The following INPP5A variants were observed in gnomAD, a reference collection of about 807,000 sequenced individuals.
INPP5A encodes inositol polyphosphate-5-phosphatase A, also known as 43 kDa inositol polyphosphate 5-phophatase.
In INPP5A, 14 loss-of-function variants were observed where a neutral mutation model predicts 65.2. The observed-to-expected ratio is 0.21, with a 90% confidence interval of 0.14 to 0.34. The LOEUF is 0.34. Ranked by LOEUF, INPP5A falls within the 10% of genes least tolerant of loss-of-function variation. INPP5A has a pLI of 1.00. For missense variants in INPP5A, 431 were observed against 545.6 expected, an observed-to-expected ratio of 0.79 and a Z score of 2.09; for synonymous variants, 207 against 208.3, an observed-to-expected ratio of 0.99 and a Z score of 0.05.
chr10:132,614,415 C>T (rs189921607), intron 2 of INPP5A, among the ~76,000 whole-genome samples: 11 of 152,202 alleles, frequency 7.2e-5, no homozygotes, highest in East Asian at 1.9e-4. Context: ...TGCAGTGAGC[C>T]GAGATTGCAC....
At chr10:132,764,097 G>C (rs993911149) in intron 11 of INPP5A, among the ~76,000 whole-genome samples, 1 of 152,276 alleles carries the variant, frequency 6.6e-6, no homozygotes, top group Non-Finnish European at 1.5e-5. Flanking sequence ...TTAGGAGGCA[G>C]GAGGCAGTGG....
At position 132,753,410 on chromosome 10, in the gene INPP5A, C is replaced by T. The variant is rs1316332988; in HGVS notation, c.903+3565C>T. Among the ~76,000 whole-genome samples the T allele has an allele frequency of 3.3e-5, 5 of 152,180 alleles. No homozygotes were observed. Among genetic ancestry groups the T allele is most frequent in the African/African-American group, 1.2e-4 (5 of 41,424 alleles). ...CCTTCATCAACCGCCGGTCTTGTACCCGTCTGACAGAAATTTAATTCAGGC... is the reference window on the plus strand; with the variant it reads ...CCTTCATCAACCGCCGGTCTTGTACTCGTCTGACAGAAATTTAATTCAGGC... On this transcript the variant is annotated intron_variant, in intron 11 of 15. Coordinates refer to ENST00000368594, the MANE Select transcript of INPP5A (RefSeq NM_005539.5). The surrounding 1 kb of genome is among the most constrained non-coding windows in gnomAD (Gnocchi z 5.3).
At chr10:132,568,105 T>C (rs1590835019) in intron 1 of INPP5A, among the ~76,000 whole-genome samples, 1 of 149,858 alleles carries the variant, frequency 6.7e-6, no homozygotes, top group South Asian at 2.1e-4. Flanking sequence ...GCAGGAGAAT[T>C]GCTTGAACCT....
intron 4 of INPP5A, among the ~76,000 whole-genome samples, chr10:132,688,924 A>C (rs958324438): frequency 4.0e-5 from 6 of 151,496 alleles, no homozygotes; most frequent in Non-Finnish European, 8.8e-5. Flanking sequence ...GCATGAGTGC[A>C]TGTGTGCATG....
chr10:132,712,449 G>A (rs1423034896), intron 8 of INPP5A, among the ~76,000 whole-genome samples: 1 of 151,936 alleles, frequency 6.6e-6, no homozygotes, highest in African/African-American at 2.4e-5. Flanking sequence ...GTGGGTGTGT[G>A]TGGGTGCATG....
chr10:132,685,307 G>A (rs1386871595), intron 4 of INPP5A, among the ~76,000 whole-genome samples: 7 of 152,264 alleles, frequency 4.6e-5, no homozygotes, highest in African/African-American at 1.4e-4. Flanking sequence ...GGCGCACTGG[G>A]AGCTGGCACC....
chr10:132,584,699 A>C (rs1252713104), intron 1 of INPP5A, among the ~76,000 whole-genome samples: 7 of 152,106 alleles, frequency 4.6e-5, no homozygotes, highest in Non-Finnish European at 1.0e-4. Flanking sequence ...TTAAGAACTA[A>C]AAAAAATTGT....
intron 9 of INPP5A, among the ~76,000 whole-genome samples, chr10:132,733,152 G>A (rs916127695): frequency 2.0e-5 from 3 of 152,178 alleles, no homozygotes; most frequent in Non-Finnish European, 4.4e-5. Context: ...TTCTTGCAAG[G>A]ACATGAGTCC....
At chr10:132,742,726 C>T (rs1317739064) in intron 9 of INPP5A, among the ~76,000 whole-genome samples, 1 of 152,200 alleles carries the variant, frequency 6.6e-6, no homozygotes, top group East Asian at 1.9e-4. Flanking sequence ...GCTTCCTTCC[C>T]GGGGTCTGGA....
intron 2 of INPP5A, among the ~76,000 whole-genome samples, chr10:132,625,502 G>T (rs904732988): frequency 1.1e-4 from 17 of 152,176 alleles, no homozygotes; most frequent in Admixed American, 2.6e-4. Flanking sequence ...ACCAGCTGGG[G>T]AGTGGGTAGA....
chr10:132,626,591 TTC>T (rs2072186661), intron 2 of INPP5A, among the ~76,000 whole-genome samples: 1 of 152,256 alleles, frequency 6.6e-6, no homozygotes. Context: ...GTGCAATTCT[TTC>T]TCTCTGTTCT....
intron 9 of INPP5A, among the ~76,000 whole-genome samples, chr10:132,733,857 C>T (rs975244050): frequency 2.0e-5 from 3 of 152,246 alleles, no homozygotes; most frequent in Non-Finnish European, 4.4e-5. Context: ...CCCTGTGGCA[C>T]GTCCCTGTTG....
chr10:132,629,801 T>C (rs575972102), intron 2 of INPP5A, among the ~76,000 whole-genome samples: 1 of 149,086 alleles, frequency 6.7e-6, no homozygotes, highest in East Asian at 2.0e-4. Context: ...TGAGGGAGGG[T>C]CCATGAGTGG....
intron 2 of INPP5A, among the ~76,000 whole-genome samples, chr10:132,634,861 CT>C (rs2072322842): frequency 6.6e-6 from 1 of 152,246 alleles, no homozygotes; most frequent in African/African-American, 2.4e-5. Flanking sequence ...AGGCTCATGG[CT>C]GGTGTGGTGT....
chr10:132,745,025 G>A (rs1846344003), intron 9 of INPP5A, among the ~76,000 whole-genome samples: 1 of 152,180 alleles, frequency 6.6e-6, no homozygotes, highest in Non-Finnish European at 1.5e-5. Flanking sequence ...TGGGGACAGG[G>A]TGTGCCCGAG....
intron 9 of INPP5A, among the ~76,000 whole-genome samples, chr10:132,729,374 C>A (rs1846042054): frequency 6.6e-6 from 1 of 152,208 alleles, no homozygotes; most frequent in East Asian, 1.9e-4. Flanking sequence ...TTTTTGATCA[C>A]CAAGATCAGT....
intron 2 of INPP5A, among the ~76,000 whole-genome samples, chr10:132,614,678 T>C (rs947477020): frequency 2.0e-5 from 3 of 152,234 alleles, no homozygotes; most frequent in African/African-American, 7.2e-5. Context: ...TCAGAATGCT[T>C]ATGGCCCCTC....
rs1425216141 is a variant in INPP5A, at chr10:132,674,638, T to C, written c.307-15754T>C. Among the ~76,000 whole-genome samples, 5 of 152,186 alleles carry C rather than the reference T, an allele frequency of 3.3e-5. No homozygotes were observed. The highest frequency in any genetic ancestry group is 1.2e-4 in the African/African-American group (5 of 41,452). On this transcript the variant is annotated intron_variant, in intron 4 of 15. Transcript: ENST00000368594. This position sits in a 1 kb window ranked among gnomAD's most constrained non-coding sequence, Gnocchi z 4.4. ...ACTTACTTGTGCCTTCAGGACTTAATCAAGCCCAATCACATACATGCCACT... is the reference window on the plus strand; with the variant it reads ...ACTTACTTGTGCCTTCAGGACTTAACCAAGCCCAATCACATACATGCCACT...
rs1172559253 is a variant in INPP5A at position 132,726,406 on chromosome 10, G to A, written c.648-415G>A. Among the ~76,000 whole-genome samples the A allele has an allele frequency of 3.3e-5, 5 of 152,022 alleles. No individual in the cohort carries two copies. The East Asian group carries it at 5.8e-4, about 18-fold the overall frequency. On this transcript the variant is annotated intron_variant, in intron 8 of 15. Transcript: ENST00000368594. ...CCCTCCTCCCGTCTGTCTCCCTCCCGCCTTTCCTGAGCTCTGCGGTGGATT... is the reference window on the plus strand; with the variant it reads ...CCCTCCTCCCGTCTGTCTCCCTCCCACCTTTCCTGAGCTCTGCGGTGGATT...
Sources: allele counts gnomAD v4.1 joint callset (sites outside exome capture counted in the v4.1 genomes callset), GRCh38; gene constraint gnomAD v4.1.1; non-coding constraint Gnocchi (gnomAD v3.1); transcripts MANE v1.5; gene names NCBI Gene and HGNC (gene_info 2026-07-23, HGNC 2026-07-21).